The following GRIK2 variants were observed in gnomAD, a reference collection of about 807,000 sequenced individuals.
The protein encoded by GRIK2 is glutamate receptor ionotropic, kainate 2.
In GRIK2, 32 loss-of-function variants were observed where a neutral mutation model predicts 100.3. The observed-to-expected ratio is 0.32, with a 90% CI of 0.24 to 0.43. GRIK2 has a LOEUF of 0.43. Ranked by LOEUF, GRIK2 falls within the 20% of genes least tolerant of loss-of-function variation. The pLI is 1.00. For synonymous variants in GRIK2, 417 were observed against 389.4 expected (o/e 1.07, Z -0.83); for missense variants, 843 against 1,114.9 (o/e 0.76, Z 3.47).
intron 14 of GRIK2, among the ~76,000 whole-genome samples, chr6:101,935,468 C>T (rs115183678): frequency 0.011 from 1,704 of 151,856 alleles, 34 homozygotes; most frequent in African/African-American, 0.039. Flanking sequence ...AAACCTTTAT[C>T]GTAGGTTTTT....
At chr6:101,467,949 G>T (rs1308684924) in intron 2 of GRIK2, among the ~76,000 whole-genome samples, 1 of 147,600 alleles carries the variant, frequency 6.8e-6, no homozygotes, top group African/African-American at 2.5e-5. Flanking sequence ...TTTTAATCTG[G>T]CAAGGATGTA....
chr6:101,710,362 T>A (rs770632446), intron 7 of GRIK2, among the ~76,000 whole-genome samples: 1 of 151,818 alleles, frequency 6.6e-6, no homozygotes, highest in Non-Finnish European at 1.5e-5. Flanking sequence ...TGTGTTCTCA[T>A]CAGTCAAATG....
At chr6:101,863,083 A>T (rs1017517169) in intron 11 of GRIK2, among the ~76,000 whole-genome samples, 1 of 151,750 alleles carries the variant, frequency 6.6e-6, no homozygotes, top group East Asian at 2.0e-4. Flanking sequence ...TAAATCTCAG[A>T]TCTGTCCCAT....
At chr6:101,955,616 C>CTCTCTCTCTCTCTCTCTCTCTCTCT (rs1554292263) in intron 14 of GRIK2, among the ~76,000 whole-genome samples, 10 of 135,596 alleles carry the variant, frequency 7.4e-5, no homozygotes, top group Non-Finnish European at 9.3e-5. Flanking sequence ...CTCTCTCTCT[C>CTCTCTCTCTCTCTCTCTCTCTCTCT]CCCCCCATTT....
intron 10 of GRIK2, among the ~76,000 whole-genome samples, chr6:101,820,806 G>T (rs1249200754): frequency 6.6e-6 from 1 of 152,102 alleles, no homozygotes; most frequent in African/African-American, 2.4e-5. Flanking sequence ...CATCTCAAAT[G>T]CTACCCACTT....
intron 2 of GRIK2, among the ~76,000 whole-genome samples, chr6:101,614,252 T>C (rs1779801015): frequency 6.6e-6 from 1 of 151,806 alleles, no homozygotes; most frequent in Admixed American, 6.6e-5. Context: ...AAGAACAAAA[T>C]GAGTATTGGG....
chr6:101,517,497 A>G (rs1774646211), intron 2 of GRIK2, among the ~76,000 whole-genome samples: 1 of 151,210 alleles, frequency 6.6e-6, no homozygotes, highest in South Asian at 2.1e-4. Flanking sequence ...TGTATCTTAC[A>G]GAAGAAGAAC....
rs1032296147 is a variant in GRIK2, at chr6:101,449,350, G to A, written c.115+49958G>A. Among the ~76,000 whole-genome samples the A allele has an allele frequency of 4.0e-5, 6 of 151,186 alleles. No homozygotes were observed. In the East Asian group the frequency reaches 5.8e-4, roughly 15 times the overall value. ...ACTGCATTACTTTATAGCTGAAATC[G>A]ACACCAAACATAATTTAGCTCCAGG... On this transcript the variant is annotated intron_variant, in intron 2 of 16. Transcript: ENST00000369134.
chr6:101,581,609 TGA>T (rs1778101589), intron 2 of GRIK2, among the ~76,000 whole-genome samples: 1 of 152,182 alleles, frequency 6.6e-6, no homozygotes, highest in Non-Finnish European at 1.5e-5. Context: ...GAGAATTTAC[TGA>T]GCATTAACTA....
At position 101,516,983 on chromosome 6, in the gene GRIK2, T is replaced by C. The variant is rs1359748256; in HGVS notation, c.116-104966T>C. Among the ~76,000 whole-genome samples, 6 of 152,144 alleles carry C rather than the reference T, an allele frequency of 3.9e-5. No individual in the cohort carries two copies. The East Asian group carries it at 9.6e-4, about 24-fold the overall frequency. On this transcript the variant is annotated intron_variant, in intron 2 of 16. Coordinates refer to ENST00000369134, the MANE Select transcript of GRIK2 (RefSeq NM_021956.5). Reference sequence around the variant, plus strand: ...AGCTAGACTTCTTTCATGGAGCAAATTGGGCAAATTCTCAGGTCACTACAT... The same window carrying C: ...AGCTAGACTTCTTTCATGGAGCAAACTGGGCAAATTCTCAGGTCACTACAT...
intron 7 of GRIK2, among the ~76,000 whole-genome samples, chr6:101,706,671 GA>G: frequency 6.6e-6 from 1 of 152,010 alleles, no homozygotes; most frequent in Admixed American, 6.6e-5. Context: ...GGATTGGATA[GA>G]AAAAGTCTCA....
intron 2 of GRIK2, among the ~76,000 whole-genome samples, chr6:101,515,630 C>A (rs1182395614): frequency 6.6e-6 from 1 of 151,914 alleles, no homozygotes; most frequent in Admixed American, 6.6e-5. Context: ...AGGTGGTATC[C>A]CATTGTGGCT....
rs1263635656 is a variant in GRIK2 at position 102,069,447 on chromosome 6, A to C, written c.*936A>C. 6.6e-6 allele frequency: 1 copy of C among 151,762 alleles called. No homozygotes were observed. Among genetic ancestry groups the C allele is most frequent in the Non-Finnish European group, 1.5e-5 (1 of 67,884 alleles). 9.4% of individuals were successfully genotyped at this position (151,762 alleles called of 1,614,324 possible). A position where few individuals can be genotyped will look rare whatever the true frequency, so the allele number is the denominator to read the frequency against. On this transcript the variant is annotated 3_prime_UTR_variant, in exon 17 of 17. Coordinates refer to ENST00000369134, the MANE Select transcript of GRIK2 (RefSeq NM_021956.5). ...TGTGGAAGACTAAAGCTTTCATTCTAACATTCAGACATAGCAATCCAAACC... is the reference window on the plus strand; with the variant it reads ...TGTGGAAGACTAAAGCTTTCATTCTCACATTCAGACATAGCAATCCAAACC...
chr6:101,531,795 C>T (rs1775456779), intron 2 of GRIK2, among the ~76,000 whole-genome samples: 1 of 151,792 alleles, frequency 6.6e-6, no homozygotes, highest in Non-Finnish European at 1.5e-5. Flanking sequence ...TTGAGCTATC[C>T]TCGTGTCCTA....
intron 2 of GRIK2, among the ~76,000 whole-genome samples, chr6:101,607,981 G>C (rs1450603139): frequency 6.6e-6 from 1 of 151,482 alleles, no homozygotes; most frequent in East Asian, 2.0e-4. Flanking sequence ...CATTGTCTTT[G>C]CCAGTACCAG....
At chr6:101,783,767 T>C (rs1214976578) in intron 7 of GRIK2, among the ~76,000 whole-genome samples, 1 of 152,178 alleles carries the variant, frequency 6.6e-6, no homozygotes, top group East Asian at 1.9e-4. Flanking sequence ...TATAGGTCTG[T>C]CTTGCTAGGC....
intron 7 of GRIK2, among the ~76,000 whole-genome samples, chr6:101,798,154 A>T (rs1300135928): frequency 6.6e-6 from 1 of 151,934 alleles, no homozygotes; most frequent in African/African-American, 2.4e-5. Context: ...AAATAAACAT[A>T]AATATTTTTA....
chr6:101,639,117 G>C (rs1282029294), intron 4 of GRIK2, among the ~76,000 whole-genome samples: 1 of 152,242 alleles, frequency 6.6e-6, no homozygotes, highest in East Asian at 1.9e-4. Context: ...TCGGCTCACT[G>C]CAACCCCCAC....
chr6:101,398,453 A>G (rs150895864), intron 1 of GRIK2, among the ~76,000 whole-genome samples: 2 of 152,276 alleles, frequency 1.3e-5, no homozygotes, highest in African/African-American at 4.8e-5. Context: ...ATTCCAATCT[A>G]TATTCATTCC....
Sources: allele counts gnomAD v4.1 joint callset (sites outside exome capture counted in the v4.1 genomes callset), GRCh38; gene constraint gnomAD v4.1.1; transcripts MANE v1.5; gene names NCBI Gene and HGNC (gene_info 2026-07-23, HGNC 2026-07-21).